The following MYH7 variants were observed in gnomAD, a reference collection of about 807,000 sequenced individuals.
MYH7 encodes myosin heavy chain 7.
MYH7 carries 129 observed loss-of-function variants against 225.4 expected under a neutral mutation model. The ratio of observed to expected loss-of-function variants is 0.57; its 90% CI spans 0.50 to 0.66. The LOEUF (loss-of-function observed/expected upper bound fraction) is 0.66. MYH7 is among the 30% of genes least tolerant of loss of function. The pLI, the probability that MYH7 is intolerant of heterozygous loss-of-function variation, is 0.00. For synonymous variants in MYH7, 971 were observed against 1,007.6 expected (o/e 0.96, Z 0.69); for missense variants, 1,649 against 2,517.0 (o/e 0.66, Z 7.38).
At position 23,412,923 on chromosome 14, in the gene MYH7, AGG is replaced by A. The variant is rs765078213; in HGVS notation, c.5791-54_5791-53del. The A allele has an allele frequency of 1.0e-4, 167 of 1,596,166 alleles. No homozygotes were observed. In the African/African-American group the frequency reaches 2.1e-3, roughly 20 times the overall value. ...AGTCCTTGGAGAGATGGTATTGGGC[AGG>A]GACAGGGCATGGGAACAAAGGTGAG... On this transcript the variant is annotated intron_variant, in intron 39 of 39. Coordinates refer to ENST00000355349, the MANE Select transcript of MYH7 (RefSeq NM_000257.4).
Position 23,433,817 on chromosome 14 carries a change from G to C in MYH7, c.-8-77C>G. 6.9e-7 allele frequency: 1 copy of C among 1,451,554 alleles called. No homozygotes were observed. 89.9% of individuals were successfully genotyped at this position (1,451,554 alleles called of 1,614,324 possible). A position where few individuals can be genotyped will look rare whatever the true frequency, so the allele number is the denominator to read the frequency against. On this transcript the variant is annotated intron_variant, in intron 2 of 39. Coordinates refer to ENST00000355349, the MANE Select transcript of MYH7 (RefSeq NM_000257.4). This position sits in a 1 kb window ranked among gnomAD's most constrained non-coding sequence, Gnocchi z 4.1. ...CTCCCTGGGCTCTCCCCTTCAGTGG[G>C]AGCCCCAAAACCTAGCACCATGCTC...
chr14:23,430,853 C>T, intron 10 of MYH7, 48 bp downstream of exon 10: 3 of 1,451,546 alleles, frequency 2.1e-6, no homozygotes, highest in Non-Finnish European at 2.9e-6. Context: ...GCAGAGGGGA[C>T]CAGGTTGCCA....
chr14:23,424,006 G>C lies in MYH7; in HGVS notation c.2823C>G (p.Arg941=). 6.2e-7 allele frequency: 1 copy of C among 1,614,186 alleles called. No individual in the cohort carries two copies. Among genetic ancestry groups the C allele is most frequent in the Non-Finnish European group, 8.5e-7 (1 of 1,180,040 alleles). Residue 941 remains arginine, a synonymous_variant, in exon 23 of 40, where the codon CGC becomes CGG. Transcript: ENST00000355349. ...GCTCTGAGCACTCATCTTCCAGCTT[G>C]CGCTTCTTGGCAGTGAGCTCAGCAT... is the stretch of plus-strand genomic sequence containing the variant. ...EMNAELTAKK[R]KLEDECSELK... is the part of the protein sequence containing the mutation.
chr14:23,427,019 G>C lies in MYH7; in HGVS notation c.1957-155C>G, dbSNP rs982348749. ...GGGGGCAGACAGGGATAAGGAGAGA[G>C]GGTGGGAGACAGAAGGGAAAGAGGA... On this transcript the variant is annotated intron_variant, in intron 17 of 39. Coordinates refer to ENST00000355349, the MANE Select transcript of MYH7 (RefSeq NM_000257.4). 4.6e-5 allele frequency among the ~76,000 whole-genome samples: 7 copies of C among 152,210 alleles called. No homozygotes were observed. The East Asian group carries it at 1.4e-3, about 29-fold the overall frequency.
chr14:23,432,435 A>G, intron 6 of MYH7, 44 bp downstream of exon 6: 1 of 1,612,908 alleles, frequency 6.2e-7, no homozygotes, highest in South Asian at 1.1e-5. Flanking sequence ...GGAGGCTGGG[A>G]TCAGGGAGAT....
Position 23,425,497 on chromosome 14 carries a change from T to A in MYH7, c.2287-79A>T. 1 of 1,607,684 alleles carries A rather than the reference T, an allele frequency of 6.2e-7. No individual in the cohort carries two copies. Among genetic ancestry groups the A allele is most frequent in the South Asian group, 1.1e-5 (1 of 90,700 alleles). On this transcript the variant is annotated intron_variant, in intron 20 of 39. Coordinates refer to ENST00000355349, the MANE Select transcript of MYH7 (RefSeq NM_000257.4). The surrounding 1 kb of genome is among the most constrained non-coding windows in gnomAD (Gnocchi z 4.6). ...ATGGTGGGGATTACCTTAGGAAGGG[T>A]AACAGCCTAGAAAAGGATTGCAGGG...
At position 23,423,552 on chromosome 14, in the gene MYH7, C is replaced by G; in HGVS notation, c.3094G>C (p.Asp1032His). 1 of 1,613,094 alleles carries G rather than the reference C, an allele frequency of 6.2e-7. No individual in the cohort carries two copies. Among genetic ancestry groups the G allele is most frequent in the Non-Finnish European group, 8.5e-7 (1 of 1,179,650 alleles). The part of the protein sequence containing the change: ...KAKVKLEQQV[D>H]DLEGSLEQEK... ...ACAACTCTCAATCTACTCACATCAT[C>G]CACTTGCTGCTCCAGCTTGACTTTG... Residue 1032 changes from aspartate to histidine, a missense_variant, in exon 24 of 40, where the codon GAT (aspartate) becomes CAT (histidine). Coordinates refer to ENST00000355349, the MANE Select transcript of MYH7 (RefSeq NM_000257.4).
chr14:23,433,663 G>A lies in MYH7; in HGVS notation c.70C>T (p.Leu24=). 1 of 1,614,258 alleles carries A rather than the reference G, an allele frequency of 6.2e-7. No homozygotes were observed. Among genetic ancestry groups the A allele is most frequent in the Non-Finnish European group, 8.5e-7 (1 of 1,180,048 alleles). The change falls in exon 3 of 40, where the codon CTA becomes TTA. Residue 24 remains leucine (L), a synonymous_variant. Transcript: ENST00000355349. The surrounding 1 kb of genome is among the most constrained non-coding windows in gnomAD (Gnocchi z 4.1). The part of the protein sequence containing the change: ...PYLRKSEKER[L]EAQTRPFDLK... ...TCAAAAGGCCTGGTCTGCGCTTCTAGCCGCTCCTTCTCTGACTTGCGCAGG... is the reference window on the plus strand; with the variant it reads ...TCAAAAGGCCTGGTCTGCGCTTCTAACCGCTCCTTCTCTGACTTGCGCAGG...
intron 6 of MYH7, among the ~76,000 whole-genome samples, chr14:23,432,139 T>C (rs183746491): frequency 6.6e-6 from 1 of 152,196 alleles, no homozygotes; most frequent in Non-Finnish European, 1.5e-5. Context: ...CTGGGCTGTT[T>C]TGGGAAAAGT....
chr14:23,430,687 G>A (rs778596357), intron 10 of MYH7, 24 bp from the exon 11 acceptor site: 55 of 1,594,384 alleles, frequency 3.4e-5, no homozygotes, highest in Non-Finnish European at 4.6e-5. Context: ...CATGGTTAGG[G>A]TGGGACACAA....
intron 29 of MYH7, 27 bp from the exon 30 acceptor site, chr14:23,418,433 G>T: frequency 6.3e-7 from 1 of 1,589,768 alleles, no homozygotes. Flanking sequence ...ACCAGGAGGT[G>T]GGTTCAGCTT....
chr14:23,435,475 T>C (rs891240014), intron 1 of MYH7, 145 bp downstream of exon 1: 1 of 152,226 alleles, frequency 6.6e-6, no homozygotes, highest in Non-Finnish European at 1.5e-5. Flanking sequence ...CATACGCCCA[T>C]GTTTAGACCT....
intron 18 of MYH7, among the ~76,000 whole-genome samples, chr14:23,426,308 A>G (rs758940742): frequency 2.0e-5 from 3 of 152,164 alleles, no homozygotes; most frequent in Admixed American, 2.0e-4. Context: ...GATATATCCA[A>G]TGTTCTAGAT....
At chr14:23,434,905 C>A (rs1324802026) in intron 1 of MYH7, among the ~76,000 whole-genome samples, 1 of 152,134 alleles carries the variant, frequency 6.6e-6, no homozygotes, top group Admixed American at 6.5e-5. Flanking sequence ...ATGCCTCTCA[C>A]ATGAAGACAG....
At chr14:23,431,955 C>T in intron 6 of MYH7, 86 bp from the exon 7 acceptor site, 1 of 1,391,022 alleles carries the variant, frequency 7.2e-7, no homozygotes, top group Non-Finnish European at 1.0e-6. Context: ...CTGGGCCTAC[C>T]CGAGAGTAGG....
In MYH7 at chr14:23,427,575, C is replaced by A; in HGVS notation, c.1888+10G>T. ...GCTCCTCTGTACCGGGAGCCTCAGT[C>A]CCTACTTACGCGCATCAGCCCCAGC... On this transcript the variant is annotated intron_variant, in intron 16 of 39. Transcript: ENST00000355349. 1.2e-6 allele frequency: 2 copies of A among 1,613,808 alleles called. No individual in the cohort carries two copies. The highest frequency in any genetic ancestry group is 1.1e-5 in the South Asian group (1 of 90,996).
intron 27 of MYH7, 91 bp from the exon 28 acceptor site, chr14:23,419,700 G>C: frequency 6.2e-7 from 1 of 1,612,050 alleles, no homozygotes. Context: ...AAAGAAGAGG[G>C]AAGGTGTGAA....
At chr14:23,422,670 C>T (rs531985665) in intron 24 of MYH7, among the ~76,000 whole-genome samples, 45 of 136,100 alleles carry the variant, frequency 3.3e-4, no homozygotes, top group African/African-American at 1.1e-3. Context: ...CTCACTCTGT[C>T]GCCAGGCTGG....
At chr14:23,424,745 C>A (rs774431772) in intron 22 of MYH7, 24 bp downstream of exon 22, 2 of 1,613,396 alleles carry the variant, frequency 1.2e-6, no homozygotes, top group South Asian at 2.2e-5. Context: ...GGTGGAAGAG[C>A]CAACAGTAGC....
Sources: gnomAD v4.1 joint callset for allele counts (sites outside exome capture counted in the v4.1 genomes callset) on GRCh38, gnomAD v4.1.1 for gene constraint, Gnocchi (gnomAD v3.1) non-coding constraint, MANE v1.5 for transcripts, NCBI Gene and HGNC (gene_info 2026-07-23, HGNC 2026-07-21) for gene names.